EIF4ENIF1: variants seen among roughly 807,000 people sequenced by gnomAD.
EIF4ENIF1 encodes the protein eukaryotic translation initiation factor 4E nuclear import factor 1.
Under a neutral mutation model 110.5 loss-of-function variants are expected in EIF4ENIF1, and 23 were observed. The observed-to-expected ratio is 0.21, with a 90% CI of 0.15 to 0.29. EIF4ENIF1 has a LOEUF of 0.29. Ranked by LOEUF, EIF4ENIF1 falls within the 10% of genes least tolerant of loss-of-function variation. The probability of loss-of-function intolerance (pLI) is 1.00; values close to 1 mark genes in which losing one functional copy is unlikely to be tolerated. For synonymous variants in EIF4ENIF1, 440 were observed against 437.0 expected, an observed-to-expected ratio of 1.01 and a Z score of -0.09; for missense variants, 1,031 against 1,221.1, an observed-to-expected ratio of 0.84 and a Z score of 2.32.
intron 12 of EIF4ENIF1, among the ~76,000 whole-genome samples, chr22:31,449,131 C>G (rs1395517912): frequency 6.6e-6 from 1 of 152,150 alleles, no homozygotes; most frequent in East Asian, 1.9e-4. Context: ...CTGTCTCAGC[C>G]TCCTGCGTAG....
chr22:31,448,249 T>C lies in EIF4ENIF1; in HGVS notation c.1769-17A>G, dbSNP rs970378441. ...GTGTGAAACCTGTCGGGAAAGTTAG[T>C]CTCAGTGAGTACCAAGATGGTATGT... On this transcript the variant is annotated splice_polypyrimidine_tract_variant and intron_variant, in intron 12 of 18. Coordinates refer to ENST00000330125, the MANE Select transcript of EIF4ENIF1 (RefSeq NM_019843.4). 2.5e-6 allele frequency: 4 copies of C among 1,613,474 alleles called. No homozygotes were observed. Among genetic ancestry groups the C allele is most frequent in the East Asian group, 4.5e-5 (2 of 44,876 alleles).
At chr22:31,440,665 A>T (rs1431820397) in intron 18 of EIF4ENIF1, 39 bp downstream of exon 18, 7 of 1,597,966 alleles carry the variant, frequency 4.4e-6, no homozygotes, top group Non-Finnish European at 6.0e-6. Context: ...AGACTCCCTA[A>T]GTCCGTCCCA....
At chr22:31,474,390 T>A (rs1160803298) in intron 2 of EIF4ENIF1, among the ~76,000 whole-genome samples, 1 of 152,070 alleles carries the variant, frequency 6.6e-6, no homozygotes, top group African/African-American at 2.4e-5. Flanking sequence ...GGTCTATAAC[T>A]CATTAATGTC....
chr22:31,449,636 T>A (rs118034569), intron 11 of EIF4ENIF1, 105 bp from the exon 12 acceptor site: 2 of 1,013,970 alleles, frequency 2.0e-6, no homozygotes, highest in East Asian at 2.5e-5. Flanking sequence ...ATCTCCCTCA[T>A]GCTCAACTGA....
Position 31,471,851 on chromosome 22 carries a change from A to G in EIF4ENIF1, c.163T>C (p.Tyr55His). The G allele has an allele frequency of 6.2e-7, 1 of 1,604,376 alleles. No individual in the cohort carries two copies. ...CTAGAATGACACACATACCTGTCATATTTTTCAGAAAGGCATGAAGGCCTC... is the reference window on the plus strand; with the variant it reads ...CTAGAATGACACACATACCTGTCATGTTTTTCAGAAAGGCATGAAGGCCTC... ...KQRPSCLSEKYDSDGVWDPEK... is the reference protein window; with the variant it reads ...KQRPSCLSEKHDSDGVWDPEK... The change falls in exon 3 of 19, where the codon TAT (tyrosine) becomes CAT (histidine). Residue 55 changes from tyrosine (Y) to histidine (H), a missense_variant. Coordinates refer to ENST00000330125, the MANE Select transcript of EIF4ENIF1 (RefSeq NM_019843.4).
At chr22:31,468,465 G>C (rs1212181431) in intron 3 of EIF4ENIF1, among the ~76,000 whole-genome samples, 163 bp from the exon 4 acceptor site, 1 of 152,174 alleles carries the variant, frequency 6.6e-6, no homozygotes, top group Non-Finnish European at 1.5e-5. Context: ...CGTGATCTCA[G>C]CTCACTGCAC....
At chr22:31,469,889 G>A (rs981725729) in intron 3 of EIF4ENIF1, among the ~76,000 whole-genome samples, 20 of 152,046 alleles carry the variant, frequency 1.3e-4, no homozygotes, top group Non-Finnish European at 1.3e-4. Context: ...TAGGCCAGAC[G>A]CAGTGGCTCA....
intron 4 of EIF4ENIF1, among the ~76,000 whole-genome samples, chr22:31,466,369 C>T (rs941048407): frequency 4.0e-5 from 6 of 150,804 alleles, no homozygotes; most frequent in Non-Finnish European, 8.8e-5. Flanking sequence ...GCCGAGATCG[C>T]GCCACTGCAC....
At chr22:31,445,801 G>A (rs1249458447) in intron 14 of EIF4ENIF1, among the ~76,000 whole-genome samples, 1 of 152,122 alleles carries the variant, frequency 6.6e-6, no homozygotes, top group African/African-American at 2.4e-5. Flanking sequence ...GTTTGTTGGA[G>A]GGACACAACT....
intron 6 of EIF4ENIF1, among the ~76,000 whole-genome samples, chr22:31,458,991 G>A (rs1040975264): frequency 2.1e-5 from 3 of 144,574 alleles, no homozygotes; most frequent in African/African-American, 2.6e-5. Flanking sequence ...GTAGTGGCAC[G>A]ATCACAGCTC....
rs1230573468 is a variant in EIF4ENIF1 at position 31,464,699 on chromosome 22, A to AATAT, written c.299-736_299-733dup. Reference sequence around the variant, plus strand: ...TCAAAAAAAAAAAAAAAAAAAAAAAAATATATATATATATATATATATATA... The same window carrying AATAT: ...TCAAAAAAAAAAAAAAAAAAAAAAAAATATATATATATATATATATATATATATA... On this transcript the variant is annotated intron_variant, in intron 4 of 18. Transcript: ENST00000330125. 4.4e-3 allele frequency among the ~76,000 whole-genome samples: 171 copies of AATAT among 38,998 alleles called. 1 individual carries two copies. The highest frequency in any genetic ancestry group is 0.013 in the South Asian group (15 of 1,166). The allele number at this position is 38,998 out of a possible 152,430, so 25.6% of individuals were successfully genotyped here.
chr22:31,453,653 G>A (rs984877066), intron 10 of EIF4ENIF1, among the ~76,000 whole-genome samples: 118 of 152,246 alleles, frequency 7.8e-4, no homozygotes, highest in African/African-American at 2.7e-3. Context: ...GATTACACGC[G>A]TGAGCCACTG....
chr22:31,437,257 C>G (rs1249519418), downstream of EIF4ENIF1: 3 of 152,206 alleles, frequency 2.0e-5, no homozygotes, highest in Non-Finnish European at 2.9e-5. Flanking sequence ...GTTTTACTTT[C>G]AGGATGCCTT....
intron 6 of EIF4ENIF1, chr22:31,461,538 T>G (rs1361635426): frequency 6.6e-6 from 1 of 152,164 alleles, no homozygotes; most frequent in Non-Finnish European, 1.5e-5. Flanking sequence ...ATTCAAGCAA[T>G]TCTCCTGCCT....
intron 2 of EIF4ENIF1, among the ~76,000 whole-genome samples, chr22:31,474,937 A>C (rs2051520731): frequency 2.0e-5 from 3 of 152,178 alleles, no homozygotes; most frequent in African/African-American, 7.2e-5. Context: ...TGCTTCTCAG[A>C]TCACTGATTC....
intron 2 of EIF4ENIF1, among the ~76,000 whole-genome samples, chr22:31,474,426 C>T (rs1367492209): frequency 2.6e-5 from 4 of 151,950 alleles, no homozygotes; most frequent in African/African-American, 9.7e-5. Flanking sequence ...CTCAAACTGT[C>T]CCAGATTTTG....
At chr22:31,482,221 T>C (rs1265559410) in intron 2 of EIF4ENIF1, among the ~76,000 whole-genome samples, 1 of 151,978 alleles carries the variant, frequency 6.6e-6, no homozygotes, top group African/African-American at 2.4e-5. Context: ...CAACATTCAC[T>C]TAACTTTAAT....
intron 14 of EIF4ENIF1, chr22:31,447,071 T>C (rs2050500727): frequency 2.3e-6 from 1 of 439,060 alleles, no homozygotes; most frequent in African/African-American, 2.1e-5. Flanking sequence ...GTTTAACTGG[T>C]AGAAACATCC....
intron 2 of EIF4ENIF1, among the ~76,000 whole-genome samples, chr22:31,481,166 AT>A (rs1275720010): frequency 4.0e-5 from 6 of 150,866 alleles, no homozygotes; most frequent in Admixed American, 3.3e-4. Context: ...AGATTGAATA[AT>A]TTTTTTTTCC....
Sources: allele counts gnomAD v4.1 joint callset (sites outside exome capture counted in the v4.1 genomes callset), GRCh38; gene constraint gnomAD v4.1.1; transcripts MANE v1.5; gene names NCBI Gene and HGNC (gene_info 2026-07-23, HGNC 2026-07-21).